RIN3: variants seen among roughly 807,000 people sequenced by gnomAD.
RIN3 encodes the protein Ras and Rab interactor 3.
RIN3 carries 54 observed loss-of-function variants against 76.3 expected under a neutral mutation model. The ratio of observed to expected loss-of-function variants is 0.71; its 90% CI spans 0.57 to 0.89. RIN3 has a LOEUF of 0.89. RIN3 is among the 40% of genes least tolerant of loss of function. The pLI is 0.00. For synonymous variants in RIN3, 576 were observed against 564.0 expected (o/e 1.02, Z -0.30); for missense variants, 1,256 against 1,322.1 (o/e 0.95, Z 0.78).
At position 92,638,550 on chromosome 14, in the gene RIN3, G is replaced by C. The variant is rs573721071; in HGVS notation, c.441-2688G>C. Among the ~76,000 whole-genome samples the C allele has an allele frequency of 5.9e-5, 9 of 152,308 alleles. No homozygotes were observed. In the South Asian group the frequency reaches 1.7e-3, roughly 28 times the overall value. On this transcript the variant is annotated intron_variant, in intron 4 of 9. Coordinates refer to ENST00000216487, the MANE Select transcript of RIN3 (RefSeq NM_024832.5). ...GGCACAGATGAGCTGAGCAGCCTCT[G>C]CTGGCTATTGTGATACACACGGCGA...
At chr14:92,516,074 G>A (rs1159464145) in intron 1 of RIN3, among the ~76,000 whole-genome samples, 1 of 152,092 alleles carries the variant, frequency 6.6e-6, no homozygotes, top group Non-Finnish European at 1.5e-5. Context: ...GAGAGACCTA[G>A]CAGGCACCCC....
In RIN3 at chr14:92,522,040, G is replaced by C. The variant is rs566891769; in HGVS notation, c.44+8064G>C. Among the ~76,000 whole-genome samples, 25 of 152,322 alleles carry C rather than the reference G, an allele frequency of 1.6e-4. 1 individual carries two copies. The South Asian group carries it at 5.2e-3, about 32-fold the overall frequency. On this transcript the variant is annotated intron_variant, in intron 1 of 9. Coordinates refer to ENST00000216487, the MANE Select transcript of RIN3 (RefSeq NM_024832.5). ...GCCCTAAGAATCTGGGGTGGGGGCA[G>C]AGAGAAGATTCCATGTGTGATGGGC...
chr14:92,618,886 G>T (rs556022425), intron 4 of RIN3, among the ~76,000 whole-genome samples: 1 of 152,164 alleles, frequency 6.6e-6, no homozygotes, highest in African/African-American at 2.4e-5. Context: ...GAAGGACAAG[G>T]TGGCCATCCT....
chr14:92,545,795 C>T (rs186017101), intron 1 of RIN3, among the ~76,000 whole-genome samples: 64 of 152,140 alleles, frequency 4.2e-4, no homozygotes, highest in Non-Finnish European at 6.6e-4. Context: ...CATTTTATCT[C>T]TTTACCCCAC....
chr14:92,671,691 G>A lies in RIN3; in HGVS notation c.2336-4784G>A, dbSNP rs559178303. Among the ~76,000 whole-genome samples the A allele has an allele frequency of 2.0e-4, 31 of 152,196 alleles. No homozygotes were observed. The East Asian group carries it at 6.0e-3, about 29-fold the overall frequency. On this transcript the variant is annotated intron_variant, in intron 7 of 9. Transcript: ENST00000216487. ...CCTGCCCCCTCATACCCACATGGCC[G>A]GCCCCGAAGTCCTCAGACCTAGGGC...
At chr14:92,627,679 C>T (rs111856143) in intron 4 of RIN3, among the ~76,000 whole-genome samples, 8 of 152,340 alleles carry the variant, frequency 5.3e-5, no homozygotes, top group East Asian at 1.9e-4. Flanking sequence ...CAGGTTTATT[C>T]GTCACAGTGG....
At chr14:92,617,458 C>G (rs1886013401) in intron 4 of RIN3, among the ~76,000 whole-genome samples, 1 of 152,154 alleles carries the variant, frequency 6.6e-6, no homozygotes, top group Non-Finnish European at 1.5e-5. Flanking sequence ...GCCCATCATT[C>G]ATAGGTTACG....
intron 3 of RIN3, among the ~76,000 whole-genome samples, chr14:92,610,387 G>T (rs1885689055): frequency 1.3e-5 from 2 of 151,950 alleles, no homozygotes; most frequent in Admixed American, 1.3e-4. Context: ...TGTTTATTTG[G>T]CCCATTCTGG....
intron 8 of RIN3, among the ~76,000 whole-genome samples, chr14:92,680,274 A>G (rs12432339): frequency 0.12 from 18,428 of 147,700 alleles, 1,251 homozygotes; most frequent in East Asian, 0.24. Context: ...ATCTTGGCCC[A>G]CTGCAACCTC....
chr14:92,618,024 G>A (rs1254492241), intron 4 of RIN3, among the ~76,000 whole-genome samples: 1 of 152,214 alleles, frequency 6.6e-6, no homozygotes, highest in African/African-American at 2.4e-5. Context: ...AACCTGTGAT[G>A]TGGGTTAAGA....
In RIN3 at chr14:92,688,337, C is replaced by A; in HGVS notation, c.*85C>A. On this transcript the variant is annotated 3_prime_UTR_variant, in exon 10 of 10. Coordinates refer to ENST00000216487, the MANE Select transcript of RIN3 (RefSeq NM_024832.5). ...CGCACTCCCGACCGCGACGTCCACG[C>A]AGCAGAGGGACATGGGCCATTCCAT... 1 of 1,287,978 alleles carries A rather than the reference C, an allele frequency of 7.8e-7. No homozygotes were observed. Among genetic ancestry groups the A allele is most frequent in the Non-Finnish European group, 1.0e-6 (1 of 961,106 alleles). The allele number at this position is 1,287,978 out of a possible 1,614,324, so 79.8% of individuals were successfully genotyped here.
intron 1 of RIN3, among the ~76,000 whole-genome samples, chr14:92,531,819 G>A (rs534759709): frequency 1.6e-4 from 24 of 152,122 alleles, no homozygotes; most frequent in Non-Finnish European, 2.4e-4. Context: ...CCTCCCTAGC[G>A]TAGAAACAGT....
rs1191325693 is a variant in RIN3 at position 92,615,318 on chromosome 14, G to GC, written c.368-83dup. The GC allele has an allele frequency of 8.4e-6, 9 of 1,071,252 alleles. No individual in the cohort carries two copies. In the Admixed American group the frequency reaches 8.5e-5, roughly 10 times the overall value. 66.4% of individuals were successfully genotyped at this position (1,071,252 alleles called of 1,614,324 possible). On this transcript the variant is annotated intron_variant, in intron 3 of 9. Coordinates refer to ENST00000216487, the MANE Select transcript of RIN3 (RefSeq NM_024832.5). ...GACCCAGAATGTGTGCAGCAGACAC[G>GC]CCCCCCGACCCCATCCTTGCCACCT...
chr14:92,672,652 G>T (rs985090412), intron 7 of RIN3, among the ~76,000 whole-genome samples: 5 of 131,082 alleles, frequency 3.8e-5, no homozygotes, highest in African/African-American at 1.4e-4. Context: ...ATATATATAT[G>T]TGTGTGCATG....
At chr14:92,624,631 T>G (rs1566873488) in intron 4 of RIN3, among the ~76,000 whole-genome samples, 1 of 152,060 alleles carries the variant, frequency 6.6e-6, no homozygotes, top group Non-Finnish European at 1.5e-5. Context: ...CTGCAAGCTG[T>G]CTCTGGCTTT....
chr14:92,664,836 G>A (rs954109267), intron 7 of RIN3, among the ~76,000 whole-genome samples: 4 of 152,140 alleles, frequency 2.6e-5, no homozygotes, highest in Admixed American at 6.5e-5. Context: ...GGAGTTGTCC[G>A]TTGCATAAAT....
At chr14:92,517,926 C>G (rs923106443) in intron 1 of RIN3, among the ~76,000 whole-genome samples, 1 of 152,172 alleles carries the variant, frequency 6.6e-6, no homozygotes, top group East Asian at 1.9e-4. Flanking sequence ...ACATGCTGTC[C>G]TATTTAAAAG....
In RIN3 at chr14:92,573,084, G is replaced by T. The variant is rs146350136; in HGVS notation, c.250-4276G>T. Among the ~76,000 whole-genome samples the T allele has an allele frequency of 4.6e-3, 701 of 151,998 alleles. 3 individuals are homozygous for T. Among genetic ancestry groups the T allele is most frequent in the African/African-American group, 0.016 (672 of 41,424 alleles). On this transcript the variant is annotated intron_variant, in intron 2 of 9. Transcript: ENST00000216487. The stretch of plus-strand genomic sequence containing the variant: ...GTTAGTAGAAATGGGGTTTCACCAT[G>T]TTGGTCAGGCTGGTCTCGAACTCCT...
At chr14:92,665,370 CTTTTTTTTTTT>C (rs55818571) in intron 7 of RIN3, among the ~76,000 whole-genome samples, 1 of 83,580 alleles carries the variant, frequency 1.2e-5, no homozygotes, top group African/African-American at 5.0e-5. Context: ...GCCTTTGTCT[CTTTTTTTTTTT>C]TTTTTTTTTT....
Sources: allele counts gnomAD v4.1 joint callset (sites outside exome capture counted in the v4.1 genomes callset), GRCh38; gene constraint gnomAD v4.1.1; transcripts MANE v1.5; gene names NCBI Gene and HGNC (gene_info 2026-07-23, HGNC 2026-07-21).